Variants in UBL7 observed in about 807,000 individuals in gnomAD.
UBL7 encodes ubiquitin like 7, also known as ubiquitin-like protein 7.
Under a neutral mutation model 41.7 loss-of-function variants are expected in UBL7, and 21 were observed. That is an observed-to-expected ratio of 0.50 (90% CI 0.36 to 0.73). The LOEUF is 0.73. UBL7 is among the 30% of genes least tolerant of loss of function. The pLI is 0.00. For missense variants in UBL7, 403 were observed against 478.4 expected (o/e 0.84, Z 1.47); for synonymous variants, 157 against 186.9 (o/e 0.84, Z 1.31).
At position 74,446,048 on chromosome 15, in the gene UBL7, T is replaced by A; in HGVS notation, c.*42A>T. 1 of 1,608,578 alleles carries A rather than the reference T, an allele frequency of 6.2e-7. No individual in the cohort carries two copies. The highest frequency in any genetic ancestry group is 1.1e-5 in the South Asian group (1 of 90,622). ...CTTCATGAGTGCCTCCCAAGGGCAGTAGCCTCTGCAACTTGCTGGGGGTTC... is the reference window on the plus strand; with the variant it reads ...CTTCATGAGTGCCTCCCAAGGGCAGAAGCCTCTGCAACTTGCTGGGGGTTC... On this transcript the variant is annotated 3_prime_UTR_variant, in exon 11 of 11. Transcript: ENST00000395081. This position sits in a 1 kb window ranked among gnomAD's most constrained non-coding sequence, Gnocchi z 4.1.
At chr15:74,454,340 A>C (rs979017049) in intron 3 of UBL7, among the ~76,000 whole-genome samples, 1 of 152,212 alleles carries the variant, frequency 6.6e-6, no homozygotes, top group African/African-American at 2.4e-5. Flanking sequence ...TGCTCAGTAC[A>C]GAGAGAAGAA....
chr15:74,460,706 C>T, intron 1 of UBL7: 1 of 1,289,316 alleles, frequency 7.8e-7, no homozygotes, highest in Non-Finnish European at 1.0e-6. Flanking sequence ...ATCAGAAACT[C>T]TGACGGCGGA....
Position 74,449,628 on chromosome 15 carries a change from G to A in UBL7, c.712C>T (p.Pro238Ser). ...GLSDDEDDFHPNTRSTPSSST... is the reference protein window; with the variant it reads ...GLSDDEDDFHSNTRSTPSSST... ...AGGCAGGCAGGCAGGCCACTTACTGGGTGAAAGTCATCCTCATCATCTGAG... is the reference window on the plus strand; with the variant it reads ...AGGCAGGCAGGCAGGCCACTTACTGAGTGAAAGTCATCCTCATCATCTGAG... The change falls in exon 8 of 11, where the codon CCA becomes TCA. Residue 238 changes from proline to serine, a missense_variant and splice_region_variant. Pro to Ser is a moderately conservative substitution (Grantham distance 74). Transcript: ENST00000395081. 3 of 1,614,058 alleles carry A rather than the reference G, an allele frequency of 1.9e-6. No homozygotes were observed. Among genetic ancestry groups the A allele is most frequent in the South Asian group, 2.2e-5 (2 of 91,076 alleles).
chr15:74,457,144 A>G (rs949584657), intron 2 of UBL7, among the ~76,000 whole-genome samples: 1 of 152,238 alleles, frequency 6.6e-6, no homozygotes, highest in Non-Finnish European at 1.5e-5. Flanking sequence ...ATTTGCAAAT[A>G]TAAACTCATA....
At chr15:74,452,502 C>G (rs1232911050) in intron 3 of UBL7, 124 bp from the exon 4 acceptor site, 2 of 933,534 alleles carry the variant, frequency 2.1e-6, no homozygotes, top group African/African-American at 1.6e-5. Context: ...CCCTCATCAC[C>G]CCTTAAGAAT....
Position 74,452,289 on chromosome 15 carries a change from C to T in UBL7, c.387+7G>A. On this transcript the variant is annotated splice_region_variant and intron_variant, in intron 4 of 10. Coordinates refer to ENST00000395081, the MANE Select transcript of UBL7 (RefSeq NM_032907.5). ...AGTCCTGGCTGGGGGCCGCAGCACACACTCACCGCCTCCCTGTAAGAGGAG... is the reference window on the plus strand; with the variant it reads ...AGTCCTGGCTGGGGGCCGCAGCACATACTCACCGCCTCCCTGTAAGAGGAG... 1 of 1,553,906 alleles carries T rather than the reference C, an allele frequency of 6.4e-7. No homozygotes were observed. Among genetic ancestry groups the T allele is most frequent in the Non-Finnish European group, 8.7e-7 (1 of 1,147,800 alleles).
At position 74,446,372 on chromosome 15, in the gene UBL7, C is replaced by T. The variant is rs148310995; in HGVS notation, c.1006-145G>A. The T allele has an allele frequency of 1.7e-4, 169 of 1,004,730 alleles. 1 individual carries two copies. In the East Asian group the frequency reaches 3.3e-3, roughly 20 times the overall value. The allele number at this position is 1,004,730 out of a possible 1,614,324, so 62.2% of individuals were successfully genotyped here. ...CTGAGTTCCACAGAACACGGTGCTT[C>T]TAGGAAGACTAAAAGATAGGCTTGA... is the stretch of plus-strand genomic sequence containing the variant. On this transcript the variant is annotated intron_variant, in intron 10 of 10. Coordinates refer to ENST00000395081, the MANE Select transcript of UBL7 (RefSeq NM_032907.5). The surrounding 1 kb of genome is among the most constrained non-coding windows in gnomAD (Gnocchi z 4.1).
intron 3 of UBL7, among the ~76,000 whole-genome samples, chr15:74,453,582 T>C (rs2061269442): frequency 6.6e-6 from 1 of 152,170 alleles, no homozygotes; most frequent in Admixed American, 6.5e-5. Flanking sequence ...CATGGGAGAA[T>C]AAAAGAATGT....
intron 1 of UBL7, among the ~76,000 whole-genome samples, chr15:74,460,084 T>C (rs954111702): frequency 6.6e-6 from 1 of 151,006 alleles, no homozygotes; most frequent in Non-Finnish European, 1.5e-5. Flanking sequence ...TCTACTATAA[T>C]AGAAAAAATT....
At chr15:74,457,123 T>C (rs2061302315) in intron 2 of UBL7, among the ~76,000 whole-genome samples, 2 of 152,168 alleles carry the variant, frequency 1.3e-5, no homozygotes, top group South Asian at 4.1e-4. Flanking sequence ...ATTAAATACA[T>C]TTCAACAACT....
chr15:74,461,084 T>C lies in UBL7; in HGVS notation c.-77A>G, dbSNP rs35032603. On this transcript the variant is annotated 5_prime_UTR_variant, in exon 1 of 11. Transcript: ENST00000395081. The stretch of plus-strand genomic sequence containing the variant: ...TGGCTGACACACATCGAGCCCGCGC[T>C]GCCCAGGGCCCCAGCGCCCTCACCC... 0.033 allele frequency: 33,355 copies of C among 1,009,046 alleles called. 636 individuals carry two copies. The highest frequency in any genetic ancestry group is 0.037 in the Non-Finnish European group (31,366 of 842,298). The allele number at this position is 1,009,046 out of a possible 1,614,324, so 62.5% of individuals were successfully genotyped here. A position where few individuals can be genotyped will look rare whatever the true frequency, so the allele number is the denominator to read the frequency against.
intron 2 of UBL7, 53 bp from the exon 3 acceptor site, chr15:74,456,724 G>T: frequency 6.3e-7 from 1 of 1,582,086 alleles, no homozygotes; most frequent in African/African-American, 1.3e-5. Context: ...AATTTACATG[G>T]TTTTTGTCCC....
chr15:74,458,811 T>C lies in UBL7; in HGVS notation c.57A>G (p.Pro19=). The C allele has an allele frequency of 6.2e-7, 1 of 1,613,600 alleles. No homozygotes were observed. Among genetic ancestry groups the C allele is most frequent in the Non-Finnish European group, 8.5e-7 (1 of 1,180,042 alleles). The change falls in exon 2 of 11, where the codon CCA becomes CCG. Residue 19 remains proline, a synonymous_variant. Transcript: ENST00000395081. ...TCTCTGGCAACCGAAGAATAGACTT[T>C]GGAGTAAGTGGCTGGTCAGCCAGCT... ...AVKLADQPLT[P]KSILRLPETE...
At chr15:74,456,994 A>T (rs1403214714) in intron 2 of UBL7, among the ~76,000 whole-genome samples, 1 of 152,102 alleles carries the variant, frequency 6.6e-6, no homozygotes, top group Non-Finnish European at 1.5e-5. Flanking sequence ...AGTTTTTTGT[A>T]GAGACGGGGT....
intron 9 of UBL7, among the ~76,000 whole-genome samples, 164 bp from the exon 10 acceptor site, chr15:74,448,764 C>CT (rs2061210757): frequency 6.6e-6 from 1 of 152,170 alleles, no homozygotes; most frequent in South Asian, 2.1e-4. Context: ...TAGAAGCTCT[C>CT]TATGTGGGCA....
intron 3 of UBL7, among the ~76,000 whole-genome samples, chr15:74,453,676 G>A (rs555794764): frequency 5.9e-5 from 9 of 152,342 alleles, no homozygotes; most frequent in South Asian, 2.1e-4. Flanking sequence ...TTAAGGTGAC[G>A]TCCTGAAGGG....
At chr15:74,453,527 G>C (rs1324729140) in intron 3 of UBL7, among the ~76,000 whole-genome samples, 2 of 152,154 alleles carry the variant, frequency 1.3e-5, no homozygotes, top group Admixed American at 6.5e-5. Flanking sequence ...ATATTTACTG[G>C]GGGGGTGAAG....
Position 74,451,494 on chromosome 15 carries a change from C to A in UBL7, c.414G>T (p.Glu138Asp), listed in dbSNP as rs770156645. The change falls in exon 5 of 11, where the codon GAG becomes GAT. Residue 138 changes from glutamate (E) to aspartate (D), a missense_variant. Coordinates refer to ENST00000395081, the MANE Select transcript of UBL7 (RefSeq NM_032907.5). ...EAVFKMLSNK[E>D]SLDQIIVATP... ...TGGCCACAATGATCTGATCCAGAGA[C>A]TCCTTATTGCTGAGCATCTTAAAGA... The A allele has an allele frequency of 1.9e-6, 3 of 1,614,030 alleles. No individual in the cohort carries two copies. Among genetic ancestry groups the A allele is most frequent in the Admixed American group, 3.3e-5 (2 of 60,004 alleles).
chr15:74,449,961 G>A lies in UBL7; in HGVS notation c.639C>T (p.Pro213=), dbSNP rs140119378. The change falls in exon 7 of 11, where the codon CCC becomes CCT. Residue 213 remains proline, a synonymous_variant. Coordinates refer to ENST00000395081, the MANE Select transcript of UBL7 (RefSeq NM_032907.5). ...CTGGCATATCCCGGTATGAGCTGGA[G>A]GGCATGCTCCGGGAAGAGGAGTCAG... ...PGTDSSSRSM[P]SSSYRDMPGG... 158 of 1,613,004 alleles carry A rather than the reference G, an allele frequency of 9.8e-5. 3 individuals carry two copies. In the East Asian group the frequency reaches 1.6e-3, roughly 16 times the overall value.
Sources: gnomAD v4.1 joint callset for allele counts (sites outside exome capture counted in the v4.1 genomes callset) on GRCh38, gnomAD v4.1.1 for gene constraint, Gnocchi (gnomAD v3.1) non-coding constraint, MANE v1.5 for transcripts, NCBI Gene and HGNC (gene_info 2026-07-23, HGNC 2026-07-21) for gene names.